ITSN1: variants seen among roughly 807,000 people sequenced by gnomAD.
ITSN1 encodes intersectin-1.
Under a neutral mutation model 239.8 loss-of-function variants are expected in ITSN1, and 58 were observed. That is an observed-to-expected ratio of 0.24 (90% CI 0.20 to 0.30). The LOEUF is 0.30. ITSN1 is among the 10% of genes least tolerant of loss of function. The pLI is 1.00. For missense variants in ITSN1, 1,558 were observed against 2,103.3 expected, an observed-to-expected ratio of 0.74 and a Z score of 5.07; for synonymous variants, 780 against 770.8, an observed-to-expected ratio of 1.01 and a Z score of -0.20.
chr21:33,809,237 C>G (rs1569225184), intron 20 of ITSN1, among the ~76,000 whole-genome samples: 1 of 152,156 alleles, frequency 6.6e-6, no homozygotes, highest in African/African-American at 2.4e-5. Context: ...AAAAATTCAA[C>G]CTTTGGAAGT....
In ITSN1 at chr21:33,888,409, G is replaced by T; in HGVS notation, c.*109G>T. ...CCACCATTTGGTATTCAGTCACAGG[G>T]ATATGGGATGGCAAAGACAGGCCCC... On this transcript the variant is annotated 3_prime_UTR_variant, in exon 40 of 40. Transcript: ENST00000381318. 8.6e-7 allele frequency: 1 copy of T among 1,161,546 alleles called. No individual in the cohort carries two copies. The highest frequency in any genetic ancestry group is 1.2e-6 in the Non-Finnish European group (1 of 836,594). 72.0% of individuals were successfully genotyped at this position (1,161,546 alleles called of 1,614,324 possible).
At chr21:33,678,029 C>T (rs2090701138) in intron 1 of ITSN1, among the ~76,000 whole-genome samples, 1 of 152,152 alleles carries the variant, frequency 6.6e-6, no homozygotes, top group Admixed American at 6.5e-5. Flanking sequence ...AAAGACTTCC[C>T]ATTACATTTA....
chr21:33,648,148 A>G (rs956117994), intron 1 of ITSN1, among the ~76,000 whole-genome samples: 3 of 152,216 alleles, frequency 2.0e-5, no homozygotes, highest in Non-Finnish European at 2.9e-5. Context: ...TTTTGCTTTT[A>G]GGAAGAAGAA....
chr21:33,779,386 A>G (rs1401754680), intron 14 of ITSN1, among the ~76,000 whole-genome samples: 5 of 152,084 alleles, frequency 3.3e-5, no homozygotes, highest in African/African-American at 1.2e-4. Flanking sequence ...ATATTTATTC[A>G]ATTCAAAATC....
intron 29 of ITSN1, among the ~76,000 whole-genome samples, chr21:33,841,212 C>T (rs374954476): frequency 2.0e-5 from 3 of 152,206 alleles, no homozygotes; most frequent in Non-Finnish European, 2.9e-5. Context: ...CAAATAGTAA[C>T]GATTGGGTTA....
intron 25 of ITSN1, 119 bp from the exon 26 acceptor site, chr21:33,826,699 T>C (rs2073992179): frequency 1.2e-6 from 1 of 822,286 alleles, no homozygotes; most frequent in African/African-American, 1.7e-5. Context: ...GTGCTATGTT[T>C]TCCCAGAATG....
At chr21:33,650,042 A>G (rs1328471454) in intron 1 of ITSN1, among the ~76,000 whole-genome samples, 1 of 151,830 alleles carries the variant, frequency 6.6e-6, no homozygotes, top group African/African-American at 2.4e-5. Context: ...AAAAAAAAAA[A>G]AAAAGAAAGA....
intron 1 of ITSN1, among the ~76,000 whole-genome samples, chr21:33,644,922 A>G (rs776323729): frequency 6.6e-6 from 1 of 151,598 alleles, no homozygotes; most frequent in Non-Finnish European, 1.5e-5. Flanking sequence ...CCTGGGCTCC[A>G]GTGATCTTCC....
chr21:33,798,031 T>C (rs1247742172), intron 18 of ITSN1, among the ~76,000 whole-genome samples: 2 of 152,258 alleles, frequency 1.3e-5, no homozygotes, highest in Non-Finnish European at 2.9e-5. Context: ...ATAAAACTGC[T>C]TTTACTTTTT....
chr21:33,704,548 C>A, intron 1 of ITSN1, among the ~76,000 whole-genome samples: 1 of 152,192 alleles, frequency 6.6e-6, no homozygotes, highest in East Asian at 1.9e-4. Context: ...AGAGGGAATA[C>A]TAATAATATT....
chr21:33,688,860 G>A lies in ITSN1; in HGVS notation c.-32-29937G>A, dbSNP rs1461150864. Among the ~76,000 whole-genome samples, 3 of 148,860 alleles carry A rather than the reference G, an allele frequency of 2.0e-5. No homozygotes were observed. In the East Asian group the frequency reaches 5.8e-4, roughly 29 times the overall value. Reference sequence around the variant, plus strand: ...TCGCTCCTGTCACCCAGGCTGGAGTGCAGTGGTGCAGTGGTGCAGTGGCAC... The same window carrying A: ...TCGCTCCTGTCACCCAGGCTGGAGTACAGTGGTGCAGTGGTGCAGTGGCAC... On this transcript the variant is annotated intron_variant, in intron 1 of 39. Coordinates refer to ENST00000381318, the MANE Select transcript of ITSN1 (RefSeq NM_003024.3).
intron 1 of ITSN1, among the ~76,000 whole-genome samples, chr21:33,664,651 G>T (rs1195904075): frequency 3.9e-5 from 6 of 152,164 alleles, no homozygotes; most frequent in Non-Finnish European, 5.9e-5. Flanking sequence ...GTAGAATGAG[G>T]TCGATCACAG....
chr21:33,658,709 C>T (rs138491676), intron 1 of ITSN1, among the ~76,000 whole-genome samples: 237 of 152,318 alleles, frequency 1.6e-3, no homozygotes, highest in African/African-American at 5.4e-3. Flanking sequence ...TCTGACCAAC[C>T]TCTTCCTCTG....
chr21:33,814,157 T>G, intron 22 of ITSN1, 85 bp downstream of exon 22: 2 of 1,447,572 alleles, frequency 1.4e-6, no homozygotes, highest in Non-Finnish European at 1.9e-6. Flanking sequence ...CAATGTCATT[T>G]TGAAGCAAGC....
chr21:33,825,494 G>T (rs1031629418), intron 25 of ITSN1, among the ~76,000 whole-genome samples: 12 of 152,158 alleles, frequency 7.9e-5, no homozygotes, highest in African/African-American at 2.7e-4. Flanking sequence ...TCTCTGTATG[G>T]GCAGGTCTGG....
intron 1 of ITSN1, among the ~76,000 whole-genome samples, chr21:33,675,279 A>G (rs959904242): frequency 6.6e-6 from 1 of 152,092 alleles, no homozygotes; most frequent in African/African-American, 2.4e-5. Flanking sequence ...AAATCTTGAT[A>G]TGGGCCGGGC....
At chr21:33,760,404 G>A (rs1010163699) in intron 8 of ITSN1, among the ~76,000 whole-genome samples, 3 of 152,156 alleles carry the variant, frequency 2.0e-5, no homozygotes, top group Non-Finnish European at 2.9e-5. Flanking sequence ...TAATTCAGCT[G>A]TGTACATGTG....
chr21:33,747,131 G>A (rs1158492016), intron 5 of ITSN1, among the ~76,000 whole-genome samples: 1 of 152,206 alleles, frequency 6.6e-6, no homozygotes, highest in Non-Finnish European at 1.5e-5. Flanking sequence ...TCCAGCCTGG[G>A]CAACAGAGTG....
intron 16 of ITSN1, among the ~76,000 whole-genome samples, chr21:33,784,707 A>C (rs529092151): frequency 6.6e-6 from 1 of 152,354 alleles, no homozygotes; most frequent in African/African-American, 2.4e-5. Flanking sequence ...GACAACTCAG[A>C]GATGGATTTA....
Sources: allele counts gnomAD v4.1 joint callset (sites outside exome capture counted in the v4.1 genomes callset), GRCh38; gene constraint gnomAD v4.1.1; transcripts MANE v1.5; gene names NCBI Gene and HGNC (gene_info 2026-07-23, HGNC 2026-07-21).